SCHIP1: variants seen among roughly 807,000 people sequenced by gnomAD.
The protein encoded by SCHIP1 is schwannomin-interacting protein 1.
A neutral mutation model predicts 29.7 loss-of-function variants in SCHIP1; 8 were observed. The observed-to-expected ratio is 0.27, with a 90% confidence interval of 0.16 to 0.49. SCHIP1 has a LOEUF of 0.49. Among genes scored for constraint, SCHIP1 ranks in the 20% least tolerant of loss-of-function variants. SCHIP1 has a pLI of 0.99. For missense variants in SCHIP1, 193 were observed against 294.6 expected, an observed-to-expected ratio of 0.66 and a Z score of 2.52; for synonymous variants, 76 against 94.9, an observed-to-expected ratio of 0.80 and a Z score of 1.16.
intron 5 of SCHIP1, among the ~76,000 whole-genome samples, 175 bp downstream of exon 6, chr3:159,889,118 T>G (rs1336888791): frequency 6.6e-6 from 1 of 152,186 alleles, no homozygotes; most frequent in Non-Finnish European, 1.5e-5. Flanking sequence ...CTGTAAAATG[T>G]TCAGAAGCTT....
chr3:159,637,371 CCACACACACACACACACA>C, the SCHIP1 span, among the ~76,000 whole-genome samples: 81 of 134,658 alleles, frequency 6.0e-4, 2 homozygotes, highest in East Asian at 7.9e-3. Context: ...CCGGCCCCAG[CCACACACACACACACACA>C]CACACACACA....
chr3:159,712,822 A>AAGAGAGAAAGAAAGAAAGAAAGAAAGAG, the SCHIP1 span, among the ~76,000 whole-genome samples: 2 of 147,520 alleles, frequency 1.4e-5, no homozygotes, highest in Non-Finnish European at 1.5e-5. Flanking sequence ...AGAAAGAAAG[A>AAGAGAGAAAGAAAGAAAGAAAGAAAGAG]AGAGAGAAAG....
At chr3:159,579,833 T>C in the SCHIP1 span, among the ~76,000 whole-genome samples, 6 of 152,186 alleles carry the variant, frequency 3.9e-5, no homozygotes, top group African/African-American at 1.4e-4. Context: ...AGATTTCCTC[T>C]TTTTTTATTT....
At chr3:159,635,951 T>A in the SCHIP1 span, among the ~76,000 whole-genome samples, 1 of 152,198 alleles carries the variant, frequency 6.6e-6, no homozygotes, top group Admixed American at 6.5e-5. Flanking sequence ...TGTAGGCAGG[T>A]GTGGAATGCA....
At chr3:159,751,691 C>G in the SCHIP1 span, among the ~76,000 whole-genome samples, 3 of 151,926 alleles carry the variant, frequency 2.0e-5, no homozygotes, top group Non-Finnish European at 4.4e-5. Flanking sequence ...ACGACAGGTG[C>G]CCGCCACCAT....
chr3:159,663,910 T>C, the SCHIP1 span, among the ~76,000 whole-genome samples: 1 of 152,176 alleles, frequency 6.6e-6, no homozygotes, highest in African/African-American at 2.4e-5. Flanking sequence ...GGATATAAGG[T>C]ATAAAATAAT....
At chr3:159,695,359 CCTTCCTCCTATGT>C in the SCHIP1 span, among the ~76,000 whole-genome samples, 2 of 152,130 alleles carry the variant, frequency 1.3e-5, no homozygotes, top group Non-Finnish European at 2.9e-5. Flanking sequence ...TATGATTGAC[CCTTCCTCCTATGT>C]CTTCCCTACT....
At chr3:159,383,546 C>T in the SCHIP1 span, among the ~76,000 whole-genome samples, 1 of 150,196 alleles carries the variant, frequency 6.7e-6, no homozygotes, top group Admixed American at 6.7e-5. Context: ...TAGTGTGATG[C>T]CTCCAGCTTT....
the SCHIP1 span, among the ~76,000 whole-genome samples, chr3:159,603,055 G>A: frequency 2.6e-4 from 39 of 152,266 alleles, no homozygotes; most frequent in African/African-American, 8.7e-4. Context: ...CTGACTGGCT[G>A]TAAATCAGAG....
At chr3:159,712,876 G>T in the SCHIP1 span, among the ~76,000 whole-genome samples, 1 of 151,142 alleles carries the variant, frequency 6.6e-6, no homozygotes, top group African/African-American at 2.4e-5. Context: ...GAGAAAGAAA[G>T]GCAGGCCAGG....
At chr3:159,396,346 A>C in the SCHIP1 span, among the ~76,000 whole-genome samples, 1 of 148,772 alleles carries the variant, frequency 6.7e-6, no homozygotes, top group African/African-American at 2.5e-5. Context: ...GTTATGTGTG[A>C]ATTTGATCCT....
chr3:159,622,798 G>A, the SCHIP1 span, among the ~76,000 whole-genome samples: 1 of 152,072 alleles, frequency 6.6e-6, no homozygotes, highest in African/African-American at 2.4e-5. Context: ...GGGCCCAGTA[G>A]TCCTAGCTAC....
the SCHIP1 span, among the ~76,000 whole-genome samples, chr3:159,571,619 A>G: frequency 6.6e-6 from 1 of 152,162 alleles, no homozygotes; most frequent in Admixed American, 6.5e-5. Flanking sequence ...AGGCTTTGGT[A>G]TCAGGATGAT....
At chr3:159,473,959 A>G in the SCHIP1 span, among the ~76,000 whole-genome samples, 8 of 152,060 alleles carry the variant, frequency 5.3e-5, no homozygotes, top group South Asian at 2.1e-4. Flanking sequence ...TTGTCTTTCA[A>G]TCTTCAGTGA....
chr3:159,360,236 A>C, the SCHIP1 span, among the ~76,000 whole-genome samples: 1 of 152,228 alleles, frequency 6.6e-6, no homozygotes, highest in Non-Finnish European at 1.5e-5. Flanking sequence ...GGGCATCAGC[A>C]GTATCTTCTA....
the SCHIP1 span, among the ~76,000 whole-genome samples, chr3:159,826,605 A>G: frequency 6.6e-6 from 1 of 152,220 alleles, no homozygotes; most frequent in Non-Finnish European, 1.5e-5. Context: ...TTGAAAGTCA[A>G]GAGTGAAAAC....
At chr3:159,437,046 C>G in the SCHIP1 span, among the ~76,000 whole-genome samples, 2 of 152,146 alleles carry the variant, frequency 1.3e-5, no homozygotes, top group African/African-American at 4.8e-5. Context: ...CTTTCCACTT[C>G]TAACTCCTGC....
At chr3:159,725,684 A>C in the SCHIP1 span, among the ~76,000 whole-genome samples, 103 of 152,342 alleles carry the variant, frequency 6.8e-4, no homozygotes, top group Middle Eastern at 3.4e-3. Flanking sequence ...TGTGGTGAGC[A>C]CAGTACTGTC....
the SCHIP1 span, among the ~76,000 whole-genome samples, chr3:159,360,530 C>T: frequency 1.3e-5 from 2 of 152,178 alleles, no homozygotes; most frequent in South Asian, 4.2e-4. Context: ...GGGAATTGTT[C>T]AATTATGTAG....
Sources: allele counts gnomAD v4.1 joint callset (sites outside exome capture counted in the v4.1 genomes callset), GRCh38; gene constraint gnomAD v4.1.1; transcripts MANE v1.5; gene names NCBI Gene and HGNC (gene_info 2026-07-23, HGNC 2026-07-21).